The following GPR158 variants were observed in gnomAD, a reference collection of about 807,000 sequenced individuals.
GPR158 encodes the protein G protein-coupled receptor 158, also known as metabotropic glycine receptor.
A neutral mutation model predicts 78.2 loss-of-function variants in GPR158; 30 were observed. The ratio of observed to expected loss-of-function variants is 0.38; its 90% confidence interval spans 0.29 to 0.52. GPR158 has a LOEUF of 0.52. GPR158 is among the 20% of genes least tolerant of loss of function. The pLI, the probability that GPR158 is intolerant of heterozygous loss-of-function variation, is 0.83. For synonymous variants in GPR158, 581 were observed against 591.1 expected (o/e 0.98, Z 0.25); for missense variants, 1,463 against 1,523.5 (o/e 0.96, Z 0.66).
chr10:25,452,001 T>C (rs761298735), intron 4 of GPR158, among the ~76,000 whole-genome samples: 30 of 147,840 alleles, frequency 2.0e-4, no homozygotes, highest in Admixed American at 1.4e-4. Context: ...TTCTCCAAAA[T>C]TGGCTTTTTG....
intron 3 of GPR158, among the ~76,000 whole-genome samples, chr10:25,408,965 C>T (rs572911189): frequency 9.5e-4 from 144 of 152,252 alleles, no homozygotes; most frequent in African/African-American, 3.2e-3. Flanking sequence ...CACGTGGAGG[C>T]GGTTGATGAT....
chr10:25,394,800 T>C (rs986088038), intron 2 of GPR158, among the ~76,000 whole-genome samples: 14 of 152,144 alleles, frequency 9.2e-5, no homozygotes, highest in Admixed American at 9.2e-4. Flanking sequence ...ACTTATCTAA[T>C]TGCTGGAGTT....
chr10:25,197,339 TGAG>T (rs1451441439), intron 1 of GPR158, among the ~76,000 whole-genome samples: 2 of 152,246 alleles, frequency 1.3e-5, no homozygotes, highest in East Asian at 3.9e-4. Flanking sequence ...TAATATAAAT[TGAG>T]GAGAATAGTA....
intron 2 of GPR158, among the ~76,000 whole-genome samples, chr10:25,338,479 A>ATT (rs1359652644): frequency 7.7e-6 from 1 of 130,542 alleles, no homozygotes; most frequent in African/African-American, 3.3e-5. Flanking sequence ...TTATACGTAT[A>ATT]ATATACGTAT....
intron 2 of GPR158, among the ~76,000 whole-genome samples, chr10:25,376,526 G>T (rs1320309527): frequency 6.6e-6 from 1 of 151,488 alleles, no homozygotes; most frequent in East Asian, 1.9e-4. Context: ...ATACGTAATT[G>T]TCAGTGATTT....
chr10:25,299,230 G>T (rs1038477330), intron 2 of GPR158, among the ~76,000 whole-genome samples: 3 of 147,422 alleles, frequency 2.0e-5, no homozygotes, highest in Non-Finnish European at 4.4e-5. Context: ...ACTTAAGTGG[G>T]TGTGTGTGTG....
intron 2 of GPR158, among the ~76,000 whole-genome samples, chr10:25,334,868 T>C (rs139273168): frequency 1.1e-4 from 16 of 152,154 alleles, no homozygotes; most frequent in African/African-American, 3.4e-4. Context: ...CTTGTTTCCA[T>C]GTCTTTTTAA....
intron 2 of GPR158, among the ~76,000 whole-genome samples, chr10:25,337,372 T>C (rs1053817365): frequency 7.9e-5 from 12 of 152,126 alleles, no homozygotes; most frequent in Non-Finnish European, 1.3e-4. Flanking sequence ...GATAAATATT[T>C]CTGTCTTTGA....
At chr10:25,318,947 G>A (rs1854903810) in intron 2 of GPR158, among the ~76,000 whole-genome samples, 1 of 152,154 alleles carries the variant, frequency 6.6e-6, no homozygotes, top group South Asian at 2.1e-4. Context: ...AAATGAAACA[G>A]TTCTTCTGGG....
Position 25,181,995 on chromosome 10 carries a change from G to A in GPR158, c.902+5673G>A, listed in dbSNP as rs146741169. 1.6e-3 allele frequency among the ~76,000 whole-genome samples: 246 copies of A among 152,264 alleles called. 3 individuals carry two copies. Among genetic ancestry groups the A allele is most frequent in the African/African-American group, 5.7e-3 (235 of 41,538 alleles). ...AGCTTCCCAAAGTGTTGAGATTACA[G>A]GTGTGAGCCATCACACCTAGCCCAA... On this transcript the variant is annotated intron_variant, in intron 1 of 10. Coordinates refer to ENST00000376351, the MANE Select transcript of GPR158 (RefSeq NM_020752.3).
At chr10:25,586,404 T>C (rs1375472705) in intron 7 of GPR158, among the ~76,000 whole-genome samples, 1 of 117,938 alleles carries the variant, frequency 8.5e-6, no homozygotes, top group African/African-American at 3.3e-5. Flanking sequence ...TTTTTTTTTT[T>C]TTTTTTTTTT....
At chr10:25,556,422 A>C (rs563312059) in intron 6 of GPR158, among the ~76,000 whole-genome samples, 3 of 152,282 alleles carry the variant, frequency 2.0e-5, no homozygotes, top group Non-Finnish European at 4.4e-5. Context: ...AGCTGTGAAC[A>C]TTGCATTCTG....
chr10:25,298,122 A>T (rs1854541766), intron 2 of GPR158, among the ~76,000 whole-genome samples: 1 of 152,214 alleles, frequency 6.6e-6, no homozygotes, highest in Non-Finnish European at 1.5e-5. Flanking sequence ...TATATTCTAT[A>T]TACTAATAGG....
chr10:25,191,638 C>T (rs987453167), intron 1 of GPR158, among the ~76,000 whole-genome samples: 3 of 152,204 alleles, frequency 2.0e-5, no homozygotes, highest in African/African-American at 7.2e-5. Flanking sequence ...ATATAAACAG[C>T]TTCATATAAA....
intron 2 of GPR158, among the ~76,000 whole-genome samples, chr10:25,388,487 C>G (rs1009627696): frequency 2.0e-5 from 3 of 152,250 alleles, no homozygotes; most frequent in African/African-American, 4.8e-5. Context: ...GCAGCCAGGA[C>G]TCATGGGGCT....
At chr10:25,300,188 G>T (rs566582416) in intron 2 of GPR158, among the ~76,000 whole-genome samples, 1 of 152,334 alleles carries the variant, frequency 6.6e-6, no homozygotes, top group South Asian at 2.1e-4. Flanking sequence ...GAATCAAGGT[G>T]TCAGCAGGGC....
intron 5 of GPR158, among the ~76,000 whole-genome samples, chr10:25,527,775 TAA>T (rs1273843824): frequency 1.3e-5 from 2 of 152,032 alleles, no homozygotes; most frequent in East Asian, 3.9e-4. Flanking sequence ...TTTTAAGTTA[TAA>T]AGTTGATAAA....
At position 25,598,587 on chromosome 10, in the gene GPR158, T is replaced by A. The variant is rs996724641; in HGVS notation, c.2961T>A (p.Asn987Lys). The part of the protein sequence containing the change: ...KQQRVNPTTA[N>K]SDLNPGTTQM... ...AAAGGGTCAACCCCACCACTGCCAA[T>A]TCTGACCTGAACCCAGGCACCACCC... The change falls in exon 11 of 11, where the codon AAT becomes AAA. Residue 987 changes from asparagine (N) to lysine (K), a missense_variant. Physicochemically the swap from Asn to Lys is moderately conservative, Grantham distance 94 (BLOSUM62 0). Coordinates refer to ENST00000376351, the MANE Select transcript of GPR158 (RefSeq NM_020752.3). The A allele has an allele frequency of 2.5e-6, 4 of 1,614,000 alleles. No homozygotes were observed. The highest frequency in any genetic ancestry group is 3.4e-6 in the Non-Finnish European group (4 of 1,179,978).
At chr10:25,479,432 G>C (rs1271127764) in intron 5 of GPR158, among the ~76,000 whole-genome samples, 2 of 151,958 alleles carry the variant, frequency 1.3e-5, no homozygotes, top group Non-Finnish European at 2.9e-5. Context: ...CTTCTTTCCA[G>C]ATGCCAGTAA....
Sources: gnomAD v4.1 joint callset for allele counts (sites outside exome capture counted in the v4.1 genomes callset) on GRCh38, gnomAD v4.1.1 for gene constraint, MANE v1.5 for transcripts, NCBI Gene and HGNC (gene_info 2026-07-23, HGNC 2026-07-21) for gene names.